PRR5L: variants seen among roughly 807,000 people sequenced by gnomAD.
PRR5L encodes proline rich 5 like, also known as proline-rich protein 5-like.
PRR5L carries 21 observed loss-of-function variants against 36.4 expected under a neutral mutation model. The ratio of observed to expected loss-of-function variants is 0.58; its 90% CI spans 0.41 to 0.83. PRR5L has a LOEUF of 0.83. Among genes scored for constraint, PRR5L ranks in the 40% least tolerant of loss-of-function variants. PRR5L has a pLI of 0.00. For missense variants in PRR5L, 381 were observed against 473.3 expected (o/e 0.80, Z 1.81); for synonymous variants, 188 against 197.0 (o/e 0.95, Z 0.38).
chr11:36,451,377 C>A, intron 8 of PRR5L, 42 bp downstream of exon 8: 1 of 1,610,298 alleles, frequency 6.2e-7, no homozygotes, highest in Non-Finnish European at 8.5e-7. Context: ...GCCCAGTGAT[C>A]ATGATACCAG....
rs1411271270 is a variant in PRR5L at position 36,437,470 on chromosome 11, A to G, written c.438A>G (p.Pro146=). ...TLPTLQAIFY[P]VQGQELTIRQ... ...CTACCCTGCAGGCAATATTTTATCC[A>G]GTTCAGGTTAGTCTCATTGGGGAAC... Residue 146 remains proline, a synonymous_variant, in exon 6 of 9, where the codon CCA becomes CCG. Transcript: ENST00000530639. 6.3e-7 allele frequency: 1 copy of G among 1,584,992 alleles called. No individual in the cohort carries two copies. Among genetic ancestry groups the G allele is most frequent in the Non-Finnish European group, 8.7e-7 (1 of 1,154,786 alleles).
chr11:36,315,125 C>T (rs950319290), intron 1 of PRR5L, among the ~76,000 whole-genome samples: 10 of 152,096 alleles, frequency 6.6e-5, no homozygotes, highest in African/African-American at 9.7e-5. Context: ...GCTATCTAGA[C>T]GGCACTAGGA....
intron 1 of PRR5L, among the ~76,000 whole-genome samples, chr11:36,381,150 G>A (rs1857360909): frequency 6.6e-6 from 1 of 151,996 alleles, no homozygotes; most frequent in South Asian, 2.1e-4. Context: ...CAATATTCTG[G>A]TTTCACTTTA....
rs758120062 is a variant in PRR5L at position 36,401,092 on chromosome 11, A to G, written c.-30A>G. ...AGGGCATTCGGAACCTTCTGGTCCT[A>G]GAGGTGAAGCTGAACTGTCACCAGG... On this transcript the variant is annotated 5_prime_UTR_variant, in exon 2 of 9. Transcript: ENST00000530639. The G allele has an allele frequency of 1.2e-6, 2 of 1,612,304 alleles. No homozygotes were observed. The highest frequency in any genetic ancestry group is 1.7e-6 in the Non-Finnish European group (2 of 1,178,812).
chr11:36,346,376 G>A (rs1387643734), intron 1 of PRR5L, among the ~76,000 whole-genome samples: 1 of 152,122 alleles, frequency 6.6e-6, no homozygotes, highest in African/African-American at 2.4e-5. Context: ...GAGGTCAGGA[G>A]ATCGAGACCA....
chr11:36,357,071 T>G (rs1029613899), intron 1 of PRR5L, among the ~76,000 whole-genome samples: 6 of 152,134 alleles, frequency 3.9e-5, no homozygotes, highest in South Asian at 2.1e-4. Context: ...TCAATAATAA[T>G]AAGAAGCAAA....
At chr11:36,369,509 G>A (rs1373357510) in intron 1 of PRR5L, among the ~76,000 whole-genome samples, 7 of 152,176 alleles carry the variant, frequency 4.6e-5, no homozygotes, top group Admixed American at 4.6e-4. Flanking sequence ...AGGCGGTATG[G>A]TCTGGTCAGA....
chr11:36,357,269 GT>G (rs899162847), intron 1 of PRR5L, among the ~76,000 whole-genome samples: 5 of 152,186 alleles, frequency 3.3e-5, no homozygotes, highest in Admixed American at 6.5e-5. Flanking sequence ...GGTTCATGAG[GT>G]TTAAGGAAAG....
At position 36,304,773 on chromosome 11, in the gene PRR5L, A is replaced by G. The variant is rs182378333; in HGVS notation, c.-126+8335A>G. 3.5e-4 allele frequency among the ~76,000 whole-genome samples: 54 copies of G among 152,354 alleles called. 1 individual carries two copies. The East Asian group carries it at 0.01, about 29-fold the overall frequency. On this transcript the variant is annotated intron_variant, in intron 1 of 8. Transcript: ENST00000530639. ...TTTCCTCATCTGTACATTGAAAGTC[A>G]TGGTAATAATCTCCCTCTAGCCATC...
intron 1 of PRR5L, among the ~76,000 whole-genome samples, chr11:36,364,245 T>C (rs553147380): frequency 2.0e-5 from 3 of 152,368 alleles, no homozygotes; most frequent in East Asian, 1.9e-4. Flanking sequence ...CTGAGAGCTA[T>C]GCATAGTAAA....
intron 1 of PRR5L, chr11:36,321,497 C>G (rs1193011640): frequency 1.3e-5 from 2 of 152,186 alleles, no homozygotes; most frequent in Non-Finnish European, 2.9e-5. Flanking sequence ...AAATTGTGTC[C>G]CTAGAGGTTG....
chr11:36,326,274 A>G (rs1856660959), intron 1 of PRR5L, among the ~76,000 whole-genome samples: 1 of 149,334 alleles, frequency 6.7e-6, no homozygotes, highest in South Asian at 2.1e-4. Flanking sequence ...TTTTATCCCT[A>G]AACACTTTAG....
intron 8 of PRR5L, among the ~76,000 whole-genome samples, chr11:36,461,766 T>C (rs1211170903): frequency 6.6e-6 from 1 of 152,204 alleles, no homozygotes; most frequent in Non-Finnish European, 1.5e-5. Context: ...GAACAGAACA[T>C]AGGTCTGAGA....
chr11:36,412,917 G>A (rs1392186095), intron 3 of PRR5L, among the ~76,000 whole-genome samples: 1 of 152,060 alleles, frequency 6.6e-6, no homozygotes, highest in African/African-American at 2.4e-5. Flanking sequence ...AAGATTCAAA[G>A]AATTAATGAA....
intron 1 of PRR5L, among the ~76,000 whole-genome samples, chr11:36,368,426 C>T (rs1017552822): frequency 4.6e-5 from 7 of 152,082 alleles, no homozygotes; most frequent in African/African-American, 1.7e-4. Flanking sequence ...AGAGAAAATA[C>T]CATCATTTGA....
At chr11:36,298,225 C>A (rs551966688) in intron 1 of PRR5L, among the ~76,000 whole-genome samples, 190 of 152,204 alleles carry the variant, frequency 1.2e-3, no homozygotes, top group South Asian at 3.5e-3. Context: ...TTTTTTGGTA[C>A]CAGAGACCAG....
At position 36,462,530 on chromosome 11, in the gene PRR5L, C is replaced by T; in HGVS notation, c.901C>T (p.Leu301=). 1 of 1,608,422 alleles carries T rather than the reference C, an allele frequency of 6.2e-7. No individual in the cohort carries two copies. Among genetic ancestry groups the T allele is most frequent in the East Asian group, 2.2e-5 (1 of 44,814 alleles). The change falls in exon 9 of 9, where the codon CTG becomes TTG. Residue 301 remains leucine (L), a synonymous_variant. Coordinates refer to ENST00000530639, the MANE Select transcript of PRR5L (RefSeq NM_001160167.2). ...GGCCAATGCCCACTCGGACATCCAG[C>T]TGCTGGCCATGGCCACCATGATGCA... The part of the protein sequence containing the change: ...TVANAHSDIQ[L]LAMATMMHSG...
chr11:36,361,877 C>G (rs968721096), intron 1 of PRR5L, among the ~76,000 whole-genome samples: 1 of 152,006 alleles, frequency 6.6e-6, no homozygotes, highest in Non-Finnish European at 1.5e-5. Flanking sequence ...AGATCGCGAG[C>G]CTCTCTTCCC....
At chr11:36,457,885 G>A (rs899648384) in intron 8 of PRR5L, among the ~76,000 whole-genome samples, 2 of 152,226 alleles carry the variant, frequency 1.3e-5, no homozygotes, top group Admixed American at 1.3e-4. Context: ...CAGTGAGAGA[G>A]AAATGAATTG....
Sources: gnomAD v4.1 joint callset for allele counts (sites outside exome capture counted in the v4.1 genomes callset) on GRCh38, gnomAD v4.1.1 for gene constraint, MANE v1.5 for transcripts, NCBI Gene and HGNC (gene_info 2026-07-23, HGNC 2026-07-21) for gene names.